The following SLC4A4 variants were observed in gnomAD, a reference collection of about 807,000 sequenced individuals.
SLC4A4 encodes electrogenic sodium bicarbonate cotransporter 1.
A neutral mutation model predicts 111.5 loss-of-function variants in SLC4A4; 27 were observed. The observed-to-expected ratio is 0.24, with a 90% CI of 0.18 to 0.33. The LOEUF (loss-of-function observed/expected upper bound fraction) is 0.33, where lower values mean the gene tolerates loss of function less well. SLC4A4 is among the 10% of genes least tolerant of loss of function. The probability of loss-of-function intolerance (pLI) is 1.00; values close to 1 mark genes in which losing one functional copy is unlikely to be tolerated. For synonymous variants in SLC4A4, 443 were observed against 463.4 expected (o/e 0.96, Z 0.57); for missense variants, 909 against 1,315.5 (o/e 0.69, Z 4.78).
chr4:71,500,296 C>G (rs1436024192), intron 16 of SLC4A4, among the ~76,000 whole-genome samples: 1 of 152,114 alleles, frequency 6.6e-6, no homozygotes, highest in Non-Finnish European at 1.5e-5. Flanking sequence ...TAGTTTGATG[C>G]AATCCTGTTT....
Position 71,568,136 on chromosome 4 carries a change from A to C in SLC4A4, c.*385A>C. ...TTTCAGATGTGTCCTTTGATAACCAAATTCTGTCACTCAAGACACAGACAC... is the reference window on the plus strand; with the variant it reads ...TTTCAGATGTGTCCTTTGATAACCACATTCTGTCACTCAAGACACAGACAC... On this transcript the variant is annotated 3_prime_UTR_variant, in exon 26 of 26. Transcript: ENST00000264485. 2.6e-6 allele frequency: 1 copy of C among 380,842 alleles called. No individual in the cohort carries two copies. The highest frequency in any genetic ancestry group is 4.7e-6 in the Non-Finnish European group (1 of 212,388). The allele number at this position is 380,842 out of a possible 1,614,324, so 23.6% of individuals were successfully genotyped here.
At chr4:71,303,297 A>G (rs1172579622) in intron 3 of SLC4A4, among the ~76,000 whole-genome samples, 1 of 152,254 alleles carries the variant, frequency 6.6e-6, no homozygotes, top group African/African-American at 2.4e-5. Flanking sequence ...TTGGTCATCT[A>G]TAATAAAATG....
At chr4:71,371,433 G>A (rs182906847) in intron 6 of SLC4A4, among the ~76,000 whole-genome samples, 407 of 151,838 alleles carry the variant, frequency 2.7e-3, no homozygotes, top group Admixed American at 4.8e-3. Flanking sequence ...TAGTAGAGAC[G>A]GGTTTTCGCC....
chr4:71,385,909 G>A (rs1434560637), intron 6 of SLC4A4, among the ~76,000 whole-genome samples: 2 of 151,982 alleles, frequency 1.3e-5, no homozygotes, highest in Admixed American at 1.3e-4. Flanking sequence ...ATCCTGCGTT[G>A]GAGACCATAT....
intron 16 of SLC4A4, among the ~76,000 whole-genome samples, chr4:71,509,430 G>A (rs889045490): frequency 6.6e-6 from 1 of 151,716 alleles, no homozygotes; most frequent in African/African-American, 2.4e-5. Flanking sequence ...CTGTAAATGG[G>A]TCTTAGGGTG....
intron 2 of SLC4A4, among the ~76,000 whole-genome samples, chr4:71,106,901 T>C (rs1203135428): frequency 6.8e-6 from 1 of 147,794 alleles, no homozygotes; most frequent in African/African-American, 2.6e-5. Context: ...TGTGCACATG[T>C]ACCCTAAAAC....
At chr4:71,440,835 G>A in intron 8 of SLC4A4, 62 bp downstream of exon 8, 3 of 1,560,088 alleles carry the variant, frequency 1.9e-6, no homozygotes, top group Non-Finnish European at 2.7e-6. Context: ...TCCCATTCAG[G>A]CTGGAGAATC....
At chr4:71,480,320 T>A (rs1396657002) in intron 14 of SLC4A4, among the ~76,000 whole-genome samples, 1 of 150,538 alleles carries the variant, frequency 6.6e-6, no homozygotes, top group African/African-American at 2.4e-5. Context: ...GTGGTGAAAA[T>A]CTCAATCATT....
At chr4:71,249,595 T>C (rs1720915722) in intron 2 of SLC4A4, among the ~76,000 whole-genome samples, 1 of 152,146 alleles carries the variant, frequency 6.6e-6, no homozygotes, top group Admixed American at 6.5e-5. Context: ...GCTAACAAAT[T>C]ACTTGTATTT....
At chr4:71,493,757 C>T (rs1730154168) in intron 15 of SLC4A4, among the ~76,000 whole-genome samples, 1 of 151,292 alleles carries the variant, frequency 6.6e-6, no homozygotes, top group Non-Finnish European at 1.5e-5. Context: ...ATCCCCCTAA[C>T]CAGATTATTT....
At chr4:71,531,100 A>T (rs183720826) in intron 16 of SLC4A4, among the ~76,000 whole-genome samples, 1 of 152,252 alleles carries the variant, frequency 6.6e-6, no homozygotes, top group East Asian at 1.9e-4. Context: ...TTATGTGCTA[A>T]CATGTGTATG....
At chr4:71,180,988 G>C (rs1745272825) in intron 2 of SLC4A4, among the ~76,000 whole-genome samples, 1 of 151,948 alleles carries the variant, frequency 6.6e-6, no homozygotes, top group Admixed American at 6.6e-5. Context: ...ATGATAGACT[G>C]GATTAAGAAA....
intron 3 of SLC4A4, among the ~76,000 whole-genome samples, chr4:71,280,000 G>T (rs187261867): frequency 6.6e-6 from 1 of 152,112 alleles, no homozygotes; most frequent in Non-Finnish European, 1.5e-5. Context: ...TCACCATGTT[G>T]GGCAGGCTGT....
rs869195687 is a variant in SLC4A4 at position 71,292,842 on chromosome 4, G to GTTTTTTTTTTTTTT, written c.253+37449_253+37462dup. On this transcript the variant is annotated intron_variant, in intron 3 of 25. Coordinates refer to ENST00000264485, the MANE Select transcript of SLC4A4 (RefSeq NM_001098484.3). ...GTATGTCTTACTTTTGGTTTTTTTT[G>GTTTTTTTTTTTTTT]TTTTTTTTTTTTTTTTTTTGAGACA... is the stretch of plus-strand genomic sequence containing the variant. Among the ~76,000 whole-genome samples the GTTTTTTTTTTTTTT allele has an allele frequency of 3.6e-5, 4 of 110,182 alleles. 1 individual carries two copies. The highest frequency in any genetic ancestry group is 5.3e-5 in the Non-Finnish European group (3 of 56,946). 72.3% of individuals were successfully genotyped at this position (110,182 alleles called of 152,430 possible). A position where few individuals can be genotyped will look rare whatever the true frequency, so the allele number is the denominator to read the frequency against.
chr4:71,141,873 GAGAAT>G (rs1358581800), intron 2 of SLC4A4, among the ~76,000 whole-genome samples: 10 of 152,202 alleles, frequency 6.6e-5, no homozygotes, highest in Admixed American at 3.3e-4. Flanking sequence ...TCAATGTTTG[GAGAAT>G]AGAAGAATGA....
At chr4:71,317,502 G>A (rs1257165481) in intron 3 of SLC4A4, among the ~76,000 whole-genome samples, 2 of 152,056 alleles carry the variant, frequency 1.3e-5, no homozygotes, top group East Asian at 3.9e-4. Context: ...CAAGCTTAGT[G>A]TAGGAAAAGT....
intron 1 of SLC4A4, among the ~76,000 whole-genome samples, chr4:71,073,014 G>C (rs1741710036): frequency 6.6e-6 from 1 of 152,036 alleles, no homozygotes; most frequent in Non-Finnish European, 1.5e-5. Flanking sequence ...GGATCCGCCT[G>C]CCTTGGTCTC....
intron 1 of SLC4A4, among the ~76,000 whole-genome samples, chr4:71,194,153 T>A (rs1463386836): frequency 1.3e-5 from 2 of 152,230 alleles, no homozygotes; most frequent in Non-Finnish European, 2.9e-5. Flanking sequence ...ACTTATTAGT[T>A]GTTTTGAGAA....
intron 2 of SLC4A4, among the ~76,000 whole-genome samples, chr4:71,249,899 C>G (rs938934179): frequency 6.9e-6 from 1 of 143,890 alleles, no homozygotes; most frequent in Non-Finnish European, 1.6e-5. Flanking sequence ...AAAAAAAAAT[C>G]ACTTGTATAT....
Sources: gnomAD v4.1 joint callset for allele counts (sites outside exome capture counted in the v4.1 genomes callset) on GRCh38, gnomAD v4.1.1 for gene constraint, MANE v1.5 for transcripts, NCBI Gene and HGNC (gene_info 2026-07-23, HGNC 2026-07-21) for gene names.